The following ADAMTS6 variants were observed in gnomAD, a reference collection of about 807,000 sequenced individuals.
The protein encoded by ADAMTS6 is ADAM metallopeptidase with thrombospondin type 1 motif 6.
In ADAMTS6, 23 loss-of-function variants were observed where a neutral mutation model predicts 144.3. That is an observed-to-expected ratio of 0.16 (90% CI 0.11 to 0.23). ADAMTS6 has a LOEUF of 0.23. Among genes scored for constraint, ADAMTS6 ranks in the 10% least tolerant of loss-of-function variants. The pLI is 1.00. For missense variants in ADAMTS6, 999 were observed against 1,379.6 expected (o/e 0.72, Z 4.37); for synonymous variants, 444 against 457.5 (o/e 0.97, Z 0.38).
At chr5:65,331,647 C>T (rs1384238507) in intron 8 of ADAMTS6, among the ~76,000 whole-genome samples, 2 of 151,950 alleles carry the variant, frequency 1.3e-5, no homozygotes, top group Non-Finnish European at 2.9e-5. Flanking sequence ...TAGGTTTCCT[C>T]AGCTTGATGG....
chr5:65,197,262 A>C, intron 20 of ADAMTS6, 111 bp from the exon 21 acceptor site: 2 of 1,100,110 alleles, frequency 1.8e-6, no homozygotes, highest in Admixed American at 2.5e-5. Flanking sequence ...CTGCCGTCTT[A>C]TCTGTTCCAC....
intron 7 of ADAMTS6, among the ~76,000 whole-genome samples, chr5:65,387,858 C>T (rs1752598649): frequency 6.6e-6 from 1 of 152,142 alleles, no homozygotes; most frequent in African/African-American, 2.4e-5. Flanking sequence ...CCATAGCATT[C>T]TTATGCCTTA....
At chr5:65,342,357 G>A (rs1015468448) in intron 7 of ADAMTS6, among the ~76,000 whole-genome samples, 2 of 152,062 alleles carry the variant, frequency 1.3e-5, no homozygotes, top group African/African-American at 4.8e-5. Context: ...GGCTTGTGTA[G>A]GGAAACTCCC....
intron 9 of ADAMTS6, among the ~76,000 whole-genome samples, chr5:65,301,686 C>T (rs578043631): frequency 2.0e-5 from 3 of 147,072 alleles, no homozygotes; most frequent in Admixed American, 7.0e-5. Flanking sequence ...TTGGTCTGAA[C>T]GAGGGTGCCG....
At chr5:65,336,827 T>A (rs2150069304) in intron 7 of ADAMTS6, among the ~76,000 whole-genome samples, 1 of 152,214 alleles carries the variant, frequency 6.6e-6, no homozygotes, top group Admixed American at 6.5e-5. Context: ...CTGAACATAC[T>A]AGCTTAGCTC....
chr5:65,334,409 C>T (rs1747111823), intron 7 of ADAMTS6, among the ~76,000 whole-genome samples: 1 of 152,214 alleles, frequency 6.6e-6, no homozygotes, highest in African/African-American at 2.4e-5. Context: ...ACTGTTACTA[C>T]TTCTGCAAAA....
chr5:65,432,296 T>TCGC (rs1757055742), intron 7 of ADAMTS6, among the ~76,000 whole-genome samples: 1 of 151,918 alleles, frequency 6.6e-6, no homozygotes, highest in African/African-American at 2.4e-5. Flanking sequence ...CCAAATCTCC[T>TCGC]CTCTACCTCA....
chr5:65,326,364 T>C (rs1027478018), intron 9 of ADAMTS6, among the ~76,000 whole-genome samples: 1 of 152,306 alleles, frequency 6.6e-6, no homozygotes, highest in African/African-American at 2.4e-5. Context: ...TTAAATATAG[T>C]ATAAACCTCA....
intron 7 of ADAMTS6, among the ~76,000 whole-genome samples, chr5:65,409,696 A>G (rs1754887024): frequency 6.6e-6 from 1 of 152,212 alleles, no homozygotes; most frequent in South Asian, 2.1e-4. Flanking sequence ...CACAACAAAA[A>G]AAGAGAATTT....
intron 7 of ADAMTS6, among the ~76,000 whole-genome samples, chr5:65,407,838 G>A (rs1196332395): frequency 6.6e-6 from 1 of 151,880 alleles, no homozygotes; most frequent in African/African-American, 2.4e-5. Context: ...GCAAAGACTT[G>A]GAATCAACAT....
chr5:65,243,548 A>C (rs1471806420), intron 14 of ADAMTS6, among the ~76,000 whole-genome samples: 1 of 152,104 alleles, frequency 6.6e-6, no homozygotes, highest in African/African-American at 2.4e-5. Flanking sequence ...AAATCTAGTG[A>C]TTAATCTTGT....
rs142650041 is a variant in ADAMTS6 at position 65,239,212 on chromosome 5, C to G, written c.1933+2892G>C. ...AGCACACCAACATGGCACACGTATA[C>G]ATATGTAACAAACCTGTACATTGTG... On this transcript the variant is annotated intron_variant, in intron 15 of 24. Transcript: ENST00000381055. Among the ~76,000 whole-genome samples, 499 of 148,898 alleles carry G rather than the reference C, an allele frequency of 3.4e-3. 3 individuals carry two copies. Among genetic ancestry groups the G allele is most frequent in the African/African-American group, 0.012 (477 of 39,950 alleles).
intron 15 of ADAMTS6, among the ~76,000 whole-genome samples, chr5:65,240,464 T>C (rs765532150): frequency 3.9e-5 from 6 of 152,086 alleles, no homozygotes; most frequent in African/African-American, 1.2e-4. Context: ...ATAATGACTT[T>C]TATGGACTGA....
intron 17 of ADAMTS6, 113 bp downstream of exon 17, chr5:65,224,811 A>G (rs1757601544): frequency 7.7e-7 from 1 of 1,299,326 alleles, no homozygotes; most frequent in Middle Eastern, 2.5e-4. Context: ...TTGGGGAAGA[A>G]AACATTGTCT....
chr5:65,157,330 T>G (rs1752488364), intron 24 of ADAMTS6, among the ~76,000 whole-genome samples: 2 of 152,220 alleles, frequency 1.3e-5, no homozygotes, highest in Non-Finnish European at 2.9e-5. Context: ...ATATACTGAA[T>G]AGAGGTTTAT....
At chr5:65,408,257 T>TCA (rs1754740516) in intron 7 of ADAMTS6, among the ~76,000 whole-genome samples, 1 of 152,156 alleles carries the variant, frequency 6.6e-6, no homozygotes, top group Non-Finnish European at 1.5e-5. Flanking sequence ...GAAACCCATG[T>TCA]TACGTGCAGA....
At chr5:65,382,664 G>C (rs1580554145) in intron 7 of ADAMTS6, among the ~76,000 whole-genome samples, 1 of 152,236 alleles carries the variant, frequency 6.6e-6, no homozygotes, top group South Asian at 2.1e-4. Context: ...CTGCCACAGG[G>C]CATATGCTAT....
chr5:65,242,697 A>G (rs952432845), intron 14 of ADAMTS6, among the ~76,000 whole-genome samples: 4 of 152,170 alleles, frequency 2.6e-5, no homozygotes, highest in Non-Finnish European at 4.4e-5. Flanking sequence ...AGCCTTGACA[A>G]AAACCATACT....
At chr5:65,254,329 G>A (rs1760471826) in intron 14 of ADAMTS6, among the ~76,000 whole-genome samples, 1 of 151,988 alleles carries the variant, frequency 6.6e-6, no homozygotes, top group African/African-American at 2.4e-5. Context: ...CAGGCATATG[G>A]GAAAAATTGG....
Sources: gnomAD v4.1 joint callset for allele counts (sites outside exome capture counted in the v4.1 genomes callset) on GRCh38, gnomAD v4.1.1 for gene constraint, MANE v1.5 for transcripts, NCBI Gene and HGNC (gene_info 2026-07-23, HGNC 2026-07-21) for gene names.